The following CNTN4 variants were observed in gnomAD, a reference collection of about 807,000 sequenced individuals.
The protein encoded by CNTN4 is contactin 4.
In CNTN4, 77 loss-of-function variants were observed where a neutral mutation model predicts 122.5. The observed-to-expected ratio is 0.63, with a 90% CI of 0.52 to 0.76. CNTN4 has a LOEUF of 0.76. CNTN4 is among the 30% of genes least tolerant of loss of function. The probability of loss-of-function intolerance (pLI) is 0.00; values close to 1 mark genes in which losing one functional copy is unlikely to be tolerated. For missense variants in CNTN4, 1,256 were observed against 1,259.1 expected (o/e 1.00, Z 0.04); for synonymous variants, 512 against 447.0 (o/e 1.15, Z -1.83).
At chr3:3,022,589 TATTA>T (rs1292313476) in intron 14 of CNTN4, among the ~76,000 whole-genome samples, 2 of 152,206 alleles carry the variant, frequency 1.3e-5, no homozygotes, top group Non-Finnish European at 2.9e-5. Flanking sequence ...TGGATCTGAT[TATTA>T]ATTGAGTAGT....
At chr3:2,336,453 G>T (rs749494389) in intron 2 of CNTN4, among the ~76,000 whole-genome samples, 1 of 152,122 alleles carries the variant, frequency 6.6e-6, no homozygotes, top group Non-Finnish European at 1.5e-5. Context: ...TTTGTAGGTT[G>T]TTAGCATTGT....
rs111546838 is a variant in CNTN4 at position 2,709,161 on chromosome 3, A to G, written c.56-27054A>G. On this transcript the variant is annotated intron_variant, in intron 4 of 24. Coordinates refer to ENST00000418658, the MANE Select transcript of CNTN4 (RefSeq NM_175607.3). The surrounding 1 kb of genome is among the most constrained non-coding windows in gnomAD (Gnocchi z 5.0). ...CTTACCATTTGATGAAAATCCAGCA[A>G]AAATGCATATTGCATTTACAACAGA... Among the ~76,000 whole-genome samples, 2,997 of 152,332 alleles carry G rather than the reference A, an allele frequency of 0.02. 122 individuals are homozygous for G. Among genetic ancestry groups the G allele is most frequent in the African/African-American group, 0.068 (2,821 of 41,572 alleles).
intron 2 of CNTN4, among the ~76,000 whole-genome samples, chr3:2,145,879 A>G (rs2125370977): frequency 6.6e-6 from 1 of 151,964 alleles, no homozygotes; most frequent in Middle Eastern, 3.5e-3. Flanking sequence ...CAAAGGTCAT[A>G]TGGGCTAGCA....
At chr3:3,053,597 A>AT (rs1701486837) in intron 23 of CNTN4, among the ~76,000 whole-genome samples, 1 of 152,140 alleles carries the variant, frequency 6.6e-6, no homozygotes, top group Non-Finnish European at 1.5e-5. Flanking sequence ...TGCCCCTGAT[A>AT]TAATATCCTT....
rs548000123 is a variant in CNTN4 at position 2,796,991 on chromosome 3, A to G, written c.359-22495A>G. Among the ~76,000 whole-genome samples the G allele has an allele frequency of 3.3e-5, 5 of 151,966 alleles. No individual in the cohort carries two copies. The South Asian group carries it at 6.2e-4, about 19-fold the overall frequency. On this transcript the variant is annotated intron_variant, in intron 6 of 24. Coordinates refer to ENST00000418658, the MANE Select transcript of CNTN4 (RefSeq NM_175607.3). ...AACTGGTGAATTCTGCTCCTGCCCA[A>G]TGTTTTGTTATTGTTGTTGTTTTCA...
intron 3 of CNTN4, among the ~76,000 whole-genome samples, chr3:2,431,778 A>C (rs1460369145): frequency 6.6e-6 from 1 of 152,210 alleles, no homozygotes; most frequent in Non-Finnish European, 1.5e-5. Context: ...AAAATCTTAC[A>C]GTTTTCTGGT....
intron 4 of CNTN4, among the ~76,000 whole-genome samples, chr3:2,673,483 G>T (rs186628208): frequency 1.3e-5 from 2 of 152,276 alleles, no homozygotes; most frequent in Admixed American, 6.5e-5. Flanking sequence ...GGCTGGGCTT[G>T]TGACCTGCTT....
At chr3:2,587,506 C>T (rs911953679) in intron 4 of CNTN4, among the ~76,000 whole-genome samples, 3 of 152,116 alleles carry the variant, frequency 2.0e-5, no homozygotes, top group Non-Finnish European at 4.4e-5. Flanking sequence ...TTCTTGGATA[C>T]CGTCTTTGGG....
chr3:2,122,856 A>C (rs543878932), intron 2 of CNTN4, among the ~76,000 whole-genome samples: 2 of 152,190 alleles, frequency 1.3e-5, no homozygotes, highest in African/African-American at 4.8e-5. Flanking sequence ...AAAACAGCTT[A>C]TGTTAGACAT....
At chr3:3,037,526 T>G in intron 18 of CNTN4, 198 bp downstream of exon 18, 1 of 688,156 alleles carries the variant, frequency 1.5e-6, no homozygotes, top group Non-Finnish European at 2.5e-6. Context: ...AGAGTTGTTT[T>G]CTTCATTAGG....
intron 4 of CNTN4, among the ~76,000 whole-genome samples, chr3:2,715,981 C>T (rs763155175): frequency 1.4e-4 from 22 of 152,110 alleles, no homozygotes; most frequent in Admixed American, 6.6e-4. Flanking sequence ...ATTTCTTTTT[C>T]GAGAAAGGGT....
intron 2 of CNTN4, among the ~76,000 whole-genome samples, chr3:2,321,821 G>A (rs1259432567): frequency 1.3e-5 from 2 of 151,822 alleles, no homozygotes; most frequent in African/African-American, 4.8e-5. Flanking sequence ...AAGAGAGAAA[G>A]GAGTCATATT....
At chr3:2,925,580 T>A (rs1457781144) in intron 12 of CNTN4, 49 bp from the exon 13 acceptor site, 2 of 1,571,954 alleles carry the variant, frequency 1.3e-6, no homozygotes, top group Non-Finnish European at 1.7e-6. Flanking sequence ...AGGAATTATC[T>A]CATGGAAGGC....
intron 12 of CNTN4, among the ~76,000 whole-genome samples, chr3:2,905,144 A>G (rs970902947): frequency 1.3e-5 from 2 of 152,186 alleles, no homozygotes; most frequent in Non-Finnish European, 2.9e-5. Context: ...CAACTTTTAC[A>G]TTAAGGAGTT....
chr3:2,477,724 T>C (rs2075871638), intron 3 of CNTN4, among the ~76,000 whole-genome samples: 1 of 152,228 alleles, frequency 6.6e-6, no homozygotes, highest in African/African-American at 2.4e-5. Context: ...CAGATGATTT[T>C]ACCAATACCA....
At chr3:2,515,729 A>G (rs1017660511) in intron 3 of CNTN4, among the ~76,000 whole-genome samples, 1 of 152,126 alleles carries the variant, frequency 6.6e-6, no homozygotes, top group African/African-American at 2.4e-5. Context: ...ACTCGAACCA[A>G]CTTGTGAATA....
intron 14 of CNTN4, among the ~76,000 whole-genome samples, chr3:3,003,754 A>G (rs1696313913): frequency 7.1e-6 from 1 of 140,154 alleles, no homozygotes; most frequent in Admixed American, 7.4e-5. Flanking sequence ...TTAAATGTTT[A>G]TTTATTTATT....
chr3:2,604,510 G>T (rs757176489), intron 4 of CNTN4, among the ~76,000 whole-genome samples: 2 of 151,986 alleles, frequency 1.3e-5, no homozygotes, highest in Non-Finnish European at 2.9e-5. Flanking sequence ...TATTTCAGTT[G>T]GTAAAAAGTG....
chr3:2,321,674 G>A (rs777469857), intron 2 of CNTN4, among the ~76,000 whole-genome samples: 2 of 151,238 alleles, frequency 1.3e-5, no homozygotes, highest in Non-Finnish European at 3.0e-5. Flanking sequence ...GATGTTAGAC[G>A]ACCTAGTATC....
Sources: gnomAD v4.1 joint callset for allele counts (sites outside exome capture counted in the v4.1 genomes callset) on GRCh38, gnomAD v4.1.1 for gene constraint, Gnocchi (gnomAD v3.1) non-coding constraint, MANE v1.5 for transcripts, NCBI Gene and HGNC (gene_info 2026-07-23, HGNC 2026-07-21) for gene names.